Variants in BTAF1 observed in about 807,000 individuals in gnomAD.
BTAF1 encodes TATA-binding protein-associated factor 172.
In BTAF1, 38 loss-of-function variants were observed where a neutral mutation model predicts 227.1. That is an observed-to-expected ratio of 0.17 (90% CI 0.13 to 0.22). The LOEUF is 0.22. BTAF1 is among the 10% of genes least tolerant of loss of function. The pLI, the probability that BTAF1 is intolerant of heterozygous loss-of-function variation, is 1.00. For missense variants in BTAF1, 1,598 were observed against 2,204.0 expected (o/e 0.73, Z 5.51); for synonymous variants, 742 against 751.9 (o/e 0.99, Z 0.21).
chr10:91,987,806 TTTC>T (rs1848506240), intron 19 of BTAF1, among the ~76,000 whole-genome samples: 1 of 152,218 alleles, frequency 6.6e-6, no homozygotes, highest in African/African-American at 2.4e-5. Flanking sequence ...CCCAGTTAGC[TTTC>T]TTCTTGCGCA....
At chr10:92,010,339 A>G (rs1332067550) in intron 28 of BTAF1, among the ~76,000 whole-genome samples, 2 of 152,146 alleles carry the variant, frequency 1.3e-5, no homozygotes, top group South Asian at 2.1e-4. Flanking sequence ...TAGAAATTCA[A>G]CTCAATTCTC....
In BTAF1 at chr10:91,997,614, C is replaced by A; in HGVS notation, c.3523C>A (p.Gln1175Lys). The stretch of plus-strand genomic sequence containing the variant: ...AATCACTTACTCAGGTGTAATGGAA[C>A]AACTAGATGTTGGTATTGTTCCATA... ...AIEALACVMEQLDVGIVPYIV... is the reference protein window; with the variant it reads ...AIEALACVMEKLDVGIVPYIV... Residue 1175 changes from glutamine (Q) to lysine (K), a missense_variant, in exon 25 of 38, where the codon CAA becomes AAA. Transcript: ENST00000265990. 1 of 1,613,410 alleles carries A rather than the reference C, an allele frequency of 6.2e-7. No homozygotes were observed. Among genetic ancestry groups the A allele is most frequent in the African/African-American group, 1.3e-5 (1 of 75,014 alleles).
rs1843644706 is a variant in BTAF1, at chr10:91,923,847, C to G, written c.-230C>G. 6.6e-6 allele frequency: 3 copies of G among 456,898 alleles called. No homozygotes were observed. Among genetic ancestry groups the G allele is most frequent in the Admixed American group, 4.4e-5 (1 of 22,658 alleles). The allele number at this position is 456,898 out of a possible 1,614,324, so 28.3% of individuals were successfully genotyped here. On this transcript the variant is annotated 5_prime_UTR_variant, in exon 1 of 38. Coordinates refer to ENST00000265990, the MANE Select transcript of BTAF1 (RefSeq NM_003972.3). ...GTTTGAAGTCGTGCGGGTCGGAGGA[C>G]TGCCGCCTCCGCTACCGTCTTGGAC...
chr10:91,937,540 T>A (rs1039288079), intron 2 of BTAF1, among the ~76,000 whole-genome samples: 2 of 152,222 alleles, frequency 1.3e-5, no homozygotes, highest in Non-Finnish European at 2.9e-5. Flanking sequence ...CCTGAACATT[T>A]TATATAAAAT....
intron 14 of BTAF1, among the ~76,000 whole-genome samples, chr10:91,968,399 C>T (rs928200471): frequency 6.6e-6 from 1 of 152,156 alleles, no homozygotes; most frequent in African/African-American, 2.4e-5. Flanking sequence ...CTTTTTATCA[C>T]GGAATGATAC....
chr10:91,993,211 A>G (rs889999067), intron 21 of BTAF1, among the ~76,000 whole-genome samples: 1 of 152,228 alleles, frequency 6.6e-6, no homozygotes, highest in African/African-American at 2.4e-5. Context: ...TTTTAAAAAT[A>G]TAAATATCTT....
chr10:91,983,864 A>G lies in BTAF1; in HGVS notation c.2224-337A>G, dbSNP rs1272865559. On this transcript the variant is annotated intron_variant, in intron 18 of 37. Transcript: ENST00000265990. The stretch of plus-strand genomic sequence containing the variant: ...AATGAGTTTTTAAATAACATTTTTA[A>G]TTAGTGCTTGATAGATTTCTTTTCT... Among the ~76,000 whole-genome samples the G allele has an allele frequency of 6.6e-5, 10 of 151,566 alleles. No individual in the cohort carries two copies. In the Admixed American group the frequency reaches 6.6e-4, roughly 10 times the overall value.
chr10:91,974,751 T>G (rs2133954901), intron 14 of BTAF1, among the ~76,000 whole-genome samples: 1 of 151,288 alleles, frequency 6.6e-6, no homozygotes, highest in South Asian at 2.1e-4. Context: ...ATTCGGGAGG[T>G]TGAGACAGGA....
chr10:91,956,703 C>A, intron 7 of BTAF1, 46 bp downstream of exon 7: 1 of 1,583,626 alleles, frequency 6.3e-7, no homozygotes, highest in Non-Finnish European at 8.6e-7. Context: ...TGCTTATAAT[C>A]TTTGGGCCAG....
chr10:91,974,909 T>G (rs1564687093), intron 14 of BTAF1, among the ~76,000 whole-genome samples: 1 of 152,184 alleles, frequency 6.6e-6, no homozygotes, highest in South Asian at 2.1e-4. Context: ...AGGTATAACT[T>G]TTTTTTGCTA....
chr10:92,020,443 A>C lies in BTAF1; in HGVS notation c.4863+1508A>C, dbSNP rs1851047979. On this transcript the variant is annotated intron_variant, in intron 34 of 37. Transcript: ENST00000265990. ...CCCTTATAAACGAAGATTTTATTGT[A>C]AAATCTAGACTTTAGTAATTGTTTT... Among the ~76,000 whole-genome samples the C allele has an allele frequency of 9.8e-5, 15 of 152,346 alleles. 2 individuals carry two copies. The South Asian group carries it at 3.1e-3, about 32-fold the overall frequency.
Position 91,991,522 on chromosome 10 carries a change from G to A in BTAF1, c.2855-597G>A, listed in dbSNP as rs1461275686. Among the ~76,000 whole-genome samples, 7 of 150,576 alleles carry A rather than the reference G, an allele frequency of 4.6e-5. No individual in the cohort carries two copies. In the East Asian group the frequency reaches 7.9e-4, roughly 17 times the overall value. ...TCCCAGCATTTTGGGAGGCCGAGGC[G>A]GGCAGATGGAATGAGCTCAGGAGTT... is the stretch of plus-strand genomic sequence containing the variant. On this transcript the variant is annotated intron_variant, in intron 20 of 37. Coordinates refer to ENST00000265990, the MANE Select transcript of BTAF1 (RefSeq NM_003972.3).
At chr10:91,973,496 A>T (rs1237992512) in intron 14 of BTAF1, among the ~76,000 whole-genome samples, 1 of 152,116 alleles carries the variant, frequency 6.6e-6, no homozygotes, top group Admixed American at 6.5e-5. Flanking sequence ...TTGTGATAAT[A>T]ATAATCTAAG....
chr10:92,030,665 C>CTGTT lies in BTAF1; in HGVS notation c.*1734_*1737dup, dbSNP rs566044540. 1.3e-5 allele frequency among the ~76,000 whole-genome samples: 2 copies of CTGTT among 152,020 alleles called. No homozygotes were observed. The highest frequency in any genetic ancestry group is 2.9e-5 in the Non-Finnish European group (2 of 67,972). ...TAGAGCTAGAAGTCAGATATTTAGG[C>CTGTT]TGTTTAAACTTTCTGAGAGTTTAAT... On this transcript the variant is annotated 3_prime_UTR_variant, in exon 38 of 38. Transcript: ENST00000265990.
Position 91,949,489 on chromosome 10 carries a change from G to A in BTAF1, c.401-1914G>A, listed in dbSNP as rs1331388250. On this transcript the variant is annotated intron_variant, in intron 4 of 37. Transcript: ENST00000265990. ...CGTTATGCGGTGTAGACTAGATTCT[G>A]TTACATTCTTCCAAAGATTGTTTTG... is the stretch of plus-strand genomic sequence containing the variant. 2.6e-5 allele frequency among the ~76,000 whole-genome samples: 4 copies of A among 152,160 alleles called. No homozygotes were observed. In the East Asian group the frequency reaches 7.7e-4, roughly 29 times the overall value.
At chr10:92,004,788 T>G (rs568879245) in intron 25 of BTAF1, among the ~76,000 whole-genome samples, 8 of 152,314 alleles carry the variant, frequency 5.3e-5, no homozygotes, top group Admixed American at 2.6e-4. Flanking sequence ...TGATTTTGTT[T>G]CCTGTGCTTT....
At chr10:92,008,348 T>A in intron 26 of BTAF1, 73 bp downstream of exon 26, 3 of 1,341,868 alleles carry the variant, frequency 2.2e-6, no homozygotes, top group Non-Finnish European at 3.0e-6. Flanking sequence ...GGGGGGGGCT[T>A]TTGTTTCTTT....
intron 14 of BTAF1, among the ~76,000 whole-genome samples, chr10:91,976,313 C>A (rs549957237): frequency 6.6e-6 from 1 of 152,262 alleles, no homozygotes; most frequent in Admixed American, 6.5e-5. Flanking sequence ...CCCATAAACC[C>A]ATAAATGTAG....
At chr10:92,001,453 A>C (rs1849522962) in intron 25 of BTAF1, among the ~76,000 whole-genome samples, 1 of 152,204 alleles carries the variant, frequency 6.6e-6, no homozygotes, top group Non-Finnish European at 1.5e-5. Context: ...TCCACTAAGC[A>C]GAGTAAGAGT....
Sources: allele counts gnomAD v4.1 joint callset (sites outside exome capture counted in the v4.1 genomes callset), GRCh38; gene constraint gnomAD v4.1.1; transcripts MANE v1.5; gene names NCBI Gene and HGNC (gene_info 2026-07-23, HGNC 2026-07-21).